Variants in ATG5 observed in about 807,000 individuals in gnomAD.
The protein encoded by ATG5 is autophagy protein 5.
ATG5 carries 14 observed loss-of-function variants against 36.5 expected under a neutral mutation model. The ratio of observed to expected loss-of-function variants is 0.38; its 90% CI spans 0.25 to 0.60. The LOEUF (loss-of-function observed/expected upper bound fraction) is 0.60. ATG5 is among the 20% of genes least tolerant of loss of function. The pLI is 0.60. For missense variants in ATG5, 195 were observed against 326.7 expected, an observed-to-expected ratio of 0.60 and a Z score of 3.11; for synonymous variants, 95 against 101.5, an observed-to-expected ratio of 0.94 and a Z score of 0.38.
chr6:106,300,234 A>C (rs1770148123), intron 3 of ATG5, among the ~76,000 whole-genome samples: 1 of 152,186 alleles, frequency 6.6e-6, no homozygotes, highest in Admixed American at 6.5e-5. Context: ...AAGGTCACTG[A>C]CAAGGTCTGA....
chr6:106,202,922 CAG>C (rs1405587214), intron 6 of ATG5, among the ~76,000 whole-genome samples: 1 of 152,218 alleles, frequency 6.6e-6, no homozygotes, highest in Non-Finnish European at 1.5e-5. Flanking sequence ...TTCGGCCTCC[CAG>C]AGTGTTAGGG....
chr6:106,221,498 C>A (rs775606776), intron 6 of ATG5, among the ~76,000 whole-genome samples: 9 of 152,008 alleles, frequency 5.9e-5, no homozygotes, highest in East Asian at 1.9e-4. Context: ...CCAACCTGGG[C>A]AACATGGTGA....
At chr6:106,258,572 C>T (rs921434199) in intron 5 of ATG5, among the ~76,000 whole-genome samples, 6 of 152,140 alleles carry the variant, frequency 3.9e-5, no homozygotes, top group African/African-American at 1.4e-4. Context: ...ACTGATATAG[C>T]TCTCCTCATT....
chr6:106,271,730 C>T (rs1779461438), intron 5 of ATG5: 1 of 151,954 alleles, frequency 6.6e-6, no homozygotes, highest in South Asian at 2.1e-4. Flanking sequence ...CAAAAAAATG[C>T]TTTGCATCCC....
At chr6:106,191,466 C>T (rs546859658) in intron 7 of ATG5, among the ~76,000 whole-genome samples, 77 of 152,072 alleles carry the variant, frequency 5.1e-4, no homozygotes, top group Non-Finnish European at 1.0e-3. Flanking sequence ...GGGTCTTTTA[C>T]GTCTAAACAG....
intron 6 of ATG5, among the ~76,000 whole-genome samples, chr6:106,235,490 G>A (rs1777863913): frequency 6.6e-6 from 1 of 152,152 alleles, no homozygotes; most frequent in Non-Finnish European, 1.5e-5. Context: ...GGGACTGAGA[G>A]ACAGGATTAG....
chr6:106,206,338 C>T lies in ATG5; in HGVS notation c.574-4249G>A, dbSNP rs142763937. Among the ~76,000 whole-genome samples the T allele has an allele frequency of 2.9e-3, 442 of 152,234 alleles. 2 individuals carry two copies. The highest frequency in any genetic ancestry group is 1.0e-2 in the African/African-American group (414 of 41,518). ...TCACCAGAAACCGAATCTGTTGAAG[C>T]CTTGATCTCTGACTTCCCAGCCTCC... On this transcript the variant is annotated intron_variant, in intron 6 of 7. Coordinates refer to ENST00000369076, the MANE Select transcript of ATG5 (RefSeq NM_004849.4).
intron 6 of ATG5, among the ~76,000 whole-genome samples, chr6:106,243,709 T>C (rs1321238677): frequency 6.6e-6 from 1 of 151,844 alleles, no homozygotes; most frequent in Non-Finnish European, 1.5e-5. Context: ...TGGGCAATTG[T>C]AATCCTAGCT....
chr6:106,287,905 GT>G (rs1780143646), intron 4 of ATG5, among the ~76,000 whole-genome samples: 1 of 151,778 alleles, frequency 6.6e-6, no homozygotes. Flanking sequence ...AAACGCAAAG[GT>G]GGCAAAATGT....
Position 106,218,259 on chromosome 6 carries a change from A to G in ATG5, c.574-16170T>C, listed in dbSNP as rs1289527476. ...GGCCTCATGAATAACTATCAACCAA[A>G]CTATAGAAAAGAGTGCAAGAGTGTG... On this transcript the variant is annotated intron_variant, in intron 6 of 7. Coordinates refer to ENST00000369076, the MANE Select transcript of ATG5 (RefSeq NM_004849.4). Among the ~76,000 whole-genome samples the G allele has an allele frequency of 9.2e-5, 14 of 152,290 alleles. No homozygotes were observed. The South Asian group carries it at 2.5e-3, about 27-fold the overall frequency.
chr6:106,306,086 G>C (rs1390866665), intron 3 of ATG5, among the ~76,000 whole-genome samples: 1 of 152,158 alleles, frequency 6.6e-6, no homozygotes, highest in Non-Finnish European at 1.5e-5. Flanking sequence ...CTACCATAAA[G>C]ATACTTGAAT....
intron 3 of ATG5, among the ~76,000 whole-genome samples, chr6:106,298,826 C>T (rs1259618396): frequency 6.6e-6 from 1 of 152,142 alleles, no homozygotes. Flanking sequence ...AATGAATCTA[C>T]TGATATTCAA....
intron 4 of ATG5, among the ~76,000 whole-genome samples, chr6:106,284,698 AG>A (rs1282172715): frequency 6.6e-6 from 1 of 151,360 alleles, no homozygotes; most frequent in African/African-American, 2.4e-5. Context: ...GAGGGCGTGA[AG>A]GGGTAACTCG....
intron 6 of ATG5, among the ~76,000 whole-genome samples, chr6:106,241,342 TAATA>T (rs1401026048): frequency 3.9e-5 from 6 of 152,108 alleles, no homozygotes; most frequent in Admixed American, 3.9e-4. Context: ...GAACAGAAAA[TAATA>T]AATATTGGTG....
Position 106,248,104 on chromosome 6 carries a change from T to C in ATG5, c.573+46A>G, listed in dbSNP as rs371039974. On this transcript the variant is annotated intron_variant, in intron 6 of 7. Transcript: ENST00000369076. ...ACACTAGAGTGCTTCAATTAAGATG[T>C]CTGAGGCTTTCATAAATGGATGTTT... 2.1e-4 allele frequency: 302 copies of C among 1,429,652 alleles called. 1 individual carries two copies. In the African/African-American group the frequency reaches 3.3e-3, roughly 16 times the overall value. The allele number at this position is 1,429,652 out of a possible 1,614,324, so 88.6% of individuals were successfully genotyped here. A position where few individuals can be genotyped will look rare whatever the true frequency, so the allele number is the denominator to read the frequency against.
intron 6 of ATG5, among the ~76,000 whole-genome samples, chr6:106,207,194 T>C (rs1205689260): frequency 1.3e-5 from 2 of 152,170 alleles, no homozygotes; most frequent in Non-Finnish European, 2.9e-5. Flanking sequence ...AAAACTGAGG[T>C]GGTAATGGCT....
chr6:106,265,395 A>G (rs1266866917), intron 5 of ATG5, among the ~76,000 whole-genome samples: 2 of 152,166 alleles, frequency 1.3e-5, no homozygotes, highest in African/African-American at 4.8e-5. Context: ...CTCCCACACA[A>G]TAATAGTGGG....
At chr6:106,212,262 G>A (rs747370856) in intron 6 of ATG5, among the ~76,000 whole-genome samples, 1 of 152,204 alleles carries the variant, frequency 6.6e-6, no homozygotes, top group Non-Finnish European at 1.5e-5. Flanking sequence ...AGAAAAACTA[G>A]ATTTTACAAT....
chr6:106,248,887 G>A (rs930007280), intron 5 of ATG5, among the ~76,000 whole-genome samples: 18 of 152,230 alleles, frequency 1.2e-4, no homozygotes, highest in Admixed American at 2.6e-4. Flanking sequence ...GTGGTGAGCC[G>A]AGATCACGCC....
Sources: allele counts gnomAD v4.1 joint callset (sites outside exome capture counted in the v4.1 genomes callset), GRCh38; gene constraint gnomAD v4.1.1; transcripts MANE v1.5; gene names NCBI Gene and HGNC (gene_info 2026-07-23, HGNC 2026-07-21).